RUBCN: variants seen among roughly 807,000 people sequenced by gnomAD.
RUBCN encodes the protein rubicon autophagy regulator, also known as run domain Beclin-1-interacting and cysteine-rich domain-containing protein.
RUBCN carries 74 observed loss-of-function variants against 113.2 expected under a neutral mutation model. The observed-to-expected ratio is 0.65, with a 90% CI of 0.54 to 0.79. The LOEUF (loss-of-function observed/expected upper bound fraction) is 0.79. RUBCN is among the 30% of genes least tolerant of loss of function. The pLI is 0.00. For missense variants in RUBCN, 1,109 were observed against 1,251.7 expected (o/e 0.89, Z 1.72); for synonymous variants, 480 against 490.0 (o/e 0.98, Z 0.27).
chr3:197,729,372 C>T (rs1275476712), intron 1 of RUBCN, among the ~76,000 whole-genome samples: 2 of 152,038 alleles, frequency 1.3e-5, no homozygotes, highest in South Asian at 2.1e-4. Context: ...CCTGCCTCAG[C>T]CTCCCAAGTA....
chr3:197,716,239 T>C (rs2108953784), intron 2 of RUBCN, among the ~76,000 whole-genome samples: 1 of 152,350 alleles, frequency 6.6e-6, no homozygotes, highest in South Asian at 2.1e-4. Context: ...GTGATTCTCC[T>C]GCCTCAGCCA....
At chr3:197,720,658 C>T (rs115129858) in intron 1 of RUBCN, among the ~76,000 whole-genome samples, 3,390 of 152,222 alleles carry the variant, frequency 0.022, 73 homozygotes, top group Non-Finnish European at 0.036. Context: ...CTGTGCACCT[C>T]GGCCTCCCAA....
intron 2 of RUBCN, among the ~76,000 whole-genome samples, chr3:197,710,117 C>A (rs1281253566): frequency 6.6e-6 from 1 of 151,358 alleles, no homozygotes; most frequent in African/African-American, 2.4e-5. Flanking sequence ...TTGCAGTGAG[C>A]TGAGATCGTG....
chr3:197,719,931 A>G (rs1009710444), intron 1 of RUBCN, among the ~76,000 whole-genome samples: 5 of 152,208 alleles, frequency 3.3e-5, no homozygotes, highest in Non-Finnish European at 7.3e-5. Context: ...CCCTGTGATG[A>G]GAACATTCAA....
At chr3:197,677,645 C>T (rs1383293115) in intron 16 of RUBCN, 104 bp from the exon 17 acceptor site, 13 of 983,548 alleles carry the variant, frequency 1.3e-5, no homozygotes, top group Admixed American at 3.7e-5. Flanking sequence ...AGAAGCCTTG[C>T]ATGCTGCACC....
At chr3:197,724,595 A>T (rs1726536710) in intron 1 of RUBCN, among the ~76,000 whole-genome samples, 1 of 152,218 alleles carries the variant, frequency 6.6e-6, no homozygotes, top group South Asian at 2.1e-4. Context: ...ATCACAGCTG[A>T]AAGTCAGGTT....
chr3:197,730,738 G>C (rs1367472125), intron 1 of RUBCN, among the ~76,000 whole-genome samples: 1 of 151,788 alleles, frequency 6.6e-6, no homozygotes, highest in Non-Finnish European at 1.5e-5. Flanking sequence ...TCAAGTGAAT[G>C]AGAAACATAT....
At chr3:197,696,087 G>A in intron 8 of RUBCN, 106 bp from the exon 9 acceptor site, 3 of 1,095,766 alleles carry the variant, frequency 2.7e-6, no homozygotes, top group Non-Finnish European at 4.1e-6. Flanking sequence ...GGGAATTAGA[G>A]GTTGGAAGAA....
chr3:197,715,443 A>G (rs1426920566), intron 2 of RUBCN, among the ~76,000 whole-genome samples: 1 of 152,214 alleles, frequency 6.6e-6, no homozygotes, highest in South Asian at 2.1e-4. Flanking sequence ...ACAATATTTT[A>G]TAAATAGTTC....
In RUBCN at chr3:197,669,205, TAAGG is replaced by T. The variant is rs1719579952; in HGVS notation, c.*5809_*5812del. Among the ~76,000 whole-genome samples the T allele has an allele frequency of 6.6e-6, 1 of 152,222 alleles. No homozygotes were observed. The highest frequency in any genetic ancestry group is 1.5e-5 in the Non-Finnish European group (1 of 68,036). ...TGTAGTACTGGACATTTCCCAAAAC[TAAGG>T]AACCAACATTGGTATGTTACTTTTA... On this transcript the variant is annotated 3_prime_UTR_variant, in exon 20 of 20. Coordinates refer to ENST00000296343, the MANE Select transcript of RUBCN (RefSeq NM_014687.4).
Position 197,675,602 on chromosome 3 carries a change from C to G in RUBCN, c.2647-87G>C. The G allele has an allele frequency of 1.0e-6, 1 of 995,682 alleles. No individual in the cohort carries two copies. The highest frequency in any genetic ancestry group is 1.3e-5 in the South Asian group (1 of 78,098). 61.7% of individuals were successfully genotyped at this position (995,682 alleles called of 1,614,324 possible). A position where few individuals can be genotyped will look rare whatever the true frequency, so the allele number is the denominator to read the frequency against. ...GGTGAACACCGAGGAGGGGAGTGGT[C>G]TACAGGGTTCTGCTGCCCACAGGGA... On this transcript the variant is annotated intron_variant, in intron 18 of 19. Coordinates refer to ENST00000296343, the MANE Select transcript of RUBCN (RefSeq NM_014687.4). The surrounding 1 kb of genome is among the most constrained non-coding windows in gnomAD (Gnocchi z 4.4).
At chr3:197,687,230 C>T (rs1330464071) in intron 11 of RUBCN, among the ~76,000 whole-genome samples, 1 of 152,144 alleles carries the variant, frequency 6.6e-6, no homozygotes, top group African/African-American at 2.4e-5. Context: ...AAAGGAAACA[C>T]TTCAAAATGG....
chr3:197,684,034 C>T (rs1721554704), intron 12 of RUBCN, 123 bp downstream of exon 12: 2 of 769,756 alleles, frequency 2.6e-6, no homozygotes, highest in East Asian at 2.5e-5. Context: ...CAAGCCCCTC[C>T]CTTTAACCTC....
chr3:197,749,663 T>C (rs1330796766), exon 1 of RUBCN: 2 of 759,772 alleles, frequency 2.6e-6, no homozygotes, highest in Non-Finnish European at 4.2e-6. Flanking sequence ...GCCCGCGGTC[T>C]AGCATCCCCC....
intron 1 of RUBCN, among the ~76,000 whole-genome samples, chr3:197,747,604 TG>T (rs1247026684): frequency 6.6e-6 from 1 of 152,114 alleles, no homozygotes; most frequent in East Asian, 1.9e-4. Context: ...AAGTACAAAA[TG>T]CCTCCAAACT....
upstream of RUBCN, chr3:197,736,944 A>G: frequency 7.5e-7 from 1 of 1,327,912 alleles, no homozygotes; most frequent in East Asian, 3.2e-5. Flanking sequence ...CCCGGCGAGC[A>G]CTCCGAGGCT....
At chr3:197,749,397 G>C in exon 1 of RUBCN, 2 of 1,193,224 alleles carry the variant, frequency 1.7e-6, no homozygotes, top group Non-Finnish European at 2.1e-6. Flanking sequence ...GGTGACGCAG[G>C]AACCGTCACT....
rs571482394 is a variant in RUBCN, at chr3:197,725,866, T to A, written c.66-7736A>T. Among the ~76,000 whole-genome samples, 3 of 152,188 alleles carry A rather than the reference T, an allele frequency of 2.0e-5. No individual in the cohort carries two copies. The East Asian group carries it at 5.8e-4, about 29-fold the overall frequency. ...CATGGAGGTGAAAAATTCTCCATCA[T>A]TGGCCCCAATCTAAATACCAACTTT... On this transcript the variant is annotated intron_variant, in intron 1 of 19. Transcript: ENST00000296343.
intron 1 of RUBCN, among the ~76,000 whole-genome samples, chr3:197,730,671 G>A (rs1727316257): frequency 6.7e-6 from 1 of 149,628 alleles, no homozygotes; most frequent in South Asian, 2.1e-4. Flanking sequence ...ACCATTTATT[G>A]ATGATCAAAC....
Sources: gnomAD v4.1 joint callset for allele counts (sites outside exome capture counted in the v4.1 genomes callset) on GRCh38, gnomAD v4.1.1 for gene constraint, Gnocchi (gnomAD v3.1) non-coding constraint, MANE v1.5 for transcripts, NCBI Gene and HGNC (gene_info 2026-07-23, HGNC 2026-07-21) for gene names.